MEGF11: variants seen among roughly 807,000 people sequenced by gnomAD.
MEGF11 encodes the protein multiple epidermal growth factor-like domains protein 11.
In MEGF11, 126 loss-of-function variants were observed where a neutral mutation model predicts 146.6. That is an observed-to-expected ratio of 0.86 (90% CI 0.74 to 1.00). MEGF11 has a LOEUF of 1.00. Among genes scored for constraint, MEGF11 ranks in the 50% least tolerant of loss-of-function variants. The probability of loss-of-function intolerance (pLI) is 0.00; values close to 1 mark genes in which losing one functional copy is unlikely to be tolerated. For synonymous variants in MEGF11, 532 were observed against 583.4 expected, an observed-to-expected ratio of 0.91 and a Z score of 1.27; for missense variants, 1,509 against 1,521.2, an observed-to-expected ratio of 0.99 and a Z score of 0.13.
At chr15:66,173,509 G>A (rs1487129533) in intron 1 of MEGF11, among the ~76,000 whole-genome samples, 1 of 152,070 alleles carries the variant, frequency 6.6e-6, no homozygotes, top group East Asian at 1.9e-4. Flanking sequence ...TAGAGATGGG[G>A]TTTCACCATG....
chr15:65,903,839 A>G (rs995349762), intron 24 of MEGF11, among the ~76,000 whole-genome samples: 1 of 152,200 alleles, frequency 6.6e-6, no homozygotes. Flanking sequence ...GAACTGTGAC[A>G]TCATATTTTC....
Position 66,152,131 on chromosome 15 carries a change from C to T in MEGF11, c.-8-23720G>A, listed in dbSNP as rs1374556860. On this transcript the variant is annotated intron_variant, in intron 1 of 25. Coordinates refer to ENST00000395614, the MANE Select transcript of MEGF11 (RefSeq NM_001385028.1). Reference sequence around the variant, plus strand: ...CCACCTGCTCTTCCAGCTCTCAGCCCCTCATGGGCACTGCCAGCTTCTCCA... The same window carrying T: ...CCACCTGCTCTTCCAGCTCTCAGCCTCTCATGGGCACTGCCAGCTTCTCCA... 3.3e-5 allele frequency among the ~76,000 whole-genome samples: 5 copies of T among 152,174 alleles called. No homozygotes were observed. The East Asian group carries it at 9.6e-4, about 29-fold the overall frequency.
In MEGF11 at chr15:66,252,470, C is replaced by A. The variant is rs940802077; in HGVS notation, c.-9+1135G>T. ...TGAAATATTTTTCCGGAGAACATGA[C>A]CACTCGGGAGACAGTCACACTGGCC... On this transcript the variant is annotated intron_variant, in intron 1 of 25. Coordinates refer to ENST00000395614, the MANE Select transcript of MEGF11 (RefSeq NM_001385028.1). Among the ~76,000 whole-genome samples the A allele has an allele frequency of 2.6e-5, 4 of 152,272 alleles. No homozygotes were observed. In the East Asian group the frequency reaches 7.8e-4, roughly 30 times the overall value.
chr15:65,918,101 G>T lies in MEGF11; in HGVS notation c.1958-7C>A, dbSNP rs1387419323. 5 of 1,613,498 alleles carry T rather than the reference G, an allele frequency of 3.1e-6. No individual in the cohort carries two copies. The East Asian group carries it at 1.1e-4, about 36-fold the overall frequency. On this transcript the variant is annotated splice_region_variant and splice_polypyrimidine_tract_variant and intron_variant, in intron 15 of 25. Coordinates refer to ENST00000395614, the MANE Select transcript of MEGF11 (RefSeq NM_001385028.1). ...AAGTATCCTCCAGCACACACTGTGG[G>T]CACAGGGCAGCCTGGCACCCATCCT...
At chr15:66,206,772 G>A (rs568924357) in intron 1 of MEGF11, among the ~76,000 whole-genome samples, 171 of 152,218 alleles carry the variant, frequency 1.1e-3, no homozygotes, top group African/African-American at 4.0e-3. Flanking sequence ...GCATGGTAGC[G>A]CACGCCTGTA....
At chr15:66,000,344 C>T (rs1449847573) in intron 5 of MEGF11, among the ~76,000 whole-genome samples, 1 of 152,156 alleles carries the variant, frequency 6.6e-6, no homozygotes, top group African/African-American at 2.4e-5. Flanking sequence ...GCTTGGGCAA[C>T]ATAGTGAGAC....
chr15:66,160,671 AC>A (rs2089919445), intron 1 of MEGF11, among the ~76,000 whole-genome samples: 1 of 147,146 alleles, frequency 6.8e-6, no homozygotes, highest in African/African-American at 2.6e-5. Flanking sequence ...GGGGACACAC[AC>A]ACACACACAC....
chr15:65,999,679 A>G (rs1171382115), intron 5 of MEGF11, among the ~76,000 whole-genome samples: 1 of 152,194 alleles, frequency 6.6e-6, no homozygotes, highest in Non-Finnish European at 1.5e-5. Flanking sequence ...TGCCATCAGG[A>G]TATGATACAA....
At chr15:66,054,674 G>C (rs997131018) in intron 5 of MEGF11, among the ~76,000 whole-genome samples, 7 of 152,202 alleles carry the variant, frequency 4.6e-5, no homozygotes, top group African/African-American at 7.2e-5. Context: ...CACAAGAAAG[G>C]CCAGATAATG....
chr15:66,252,504 C>A (rs1457878668), intron 1 of MEGF11, among the ~76,000 whole-genome samples: 1 of 152,134 alleles, frequency 6.6e-6, no homozygotes, highest in African/African-American at 2.4e-5. Context: ...CCTCGCAGCG[C>A]GGGCTGCGGG....
chr15:66,178,719 C>A (rs951581613), intron 1 of MEGF11, among the ~76,000 whole-genome samples: 1 of 152,120 alleles, frequency 6.6e-6, no homozygotes, highest in Non-Finnish European at 1.5e-5. Flanking sequence ...TTGCCTCACC[C>A]GGGTCCTGGG....
At position 66,141,447 on chromosome 15, in the gene MEGF11, C is replaced by T. The variant is rs1288404028; in HGVS notation, c.-8-13036G>A. ...AACTCAGAAGACAAGCTTGGGCTGGCTGTGTGACCTTGGGTAGGAGGCTGC... is the reference window on the plus strand; with the variant it reads ...AACTCAGAAGACAAGCTTGGGCTGGTTGTGTGACCTTGGGTAGGAGGCTGC... On this transcript the variant is annotated intron_variant, in intron 1 of 25. Coordinates refer to ENST00000395614, the MANE Select transcript of MEGF11 (RefSeq NM_001385028.1). Among the ~76,000 whole-genome samples, 3 of 152,082 alleles carry T rather than the reference C, an allele frequency of 2.0e-5. No individual in the cohort carries two copies. In the East Asian group the frequency reaches 5.8e-4, roughly 29 times the overall value.
At chr15:66,249,087 G>T (rs187159563) in intron 1 of MEGF11, among the ~76,000 whole-genome samples, 35 of 152,302 alleles carry the variant, frequency 2.3e-4, no homozygotes, top group African/African-American at 7.7e-4. Context: ...TTCCTGCTGA[G>T]ATACAGCTTC....
chr15:65,975,500 C>G (rs760237086), intron 7 of MEGF11, among the ~76,000 whole-genome samples: 3 of 152,200 alleles, frequency 2.0e-5, no homozygotes, highest in Non-Finnish European at 4.4e-5. Context: ...CGCCGAATCT[C>G]TAGTCCTCTT....
At chr15:66,120,449 C>G (rs1418228129) in intron 3 of MEGF11, among the ~76,000 whole-genome samples, 1 of 152,190 alleles carries the variant, frequency 6.6e-6, no homozygotes. Context: ...GCCCTGTGGA[C>G]TCTTCCTCAG....
intron 5 of MEGF11, among the ~76,000 whole-genome samples, chr15:66,056,316 C>A (rs1320249397): frequency 6.6e-6 from 1 of 152,124 alleles, no homozygotes; most frequent in Non-Finnish European, 1.5e-5. Context: ...AGGACTTAAC[C>A]TTCTGAGCCT....
intron 10 of MEGF11, among the ~76,000 whole-genome samples, chr15:65,947,291 G>A (rs1020280308): frequency 2.0e-5 from 3 of 152,138 alleles, no homozygotes; most frequent in Non-Finnish European, 4.4e-5. Flanking sequence ...TGGGGAGCTG[G>A]GGCACTGAAG....
chr15:65,969,581 G>A (rs1430913738), intron 8 of MEGF11, among the ~76,000 whole-genome samples: 3 of 152,214 alleles, frequency 2.0e-5, no homozygotes, highest in South Asian at 4.1e-4. Context: ...ACATCACTAA[G>A]GATTTGGGGC....
In MEGF11 at chr15:65,897,077, A is replaced by G. The variant is rs2078372224; in HGVS notation, c.*857T>C. 1.3e-5 allele frequency: 2 copies of G among 152,212 alleles called. No homozygotes were observed. The highest frequency in any genetic ancestry group is 1.3e-4 in the Admixed American group (2 of 15,284). The allele number at this position is 152,212 out of a possible 1,614,324, so 9.4% of individuals were successfully genotyped here. ...TCTTTTACTTAATCCCGACCAGTCT[A>G]TGACTGCTTGCTTAAAGGATCATCT... On this transcript the variant is annotated 3_prime_UTR_variant, in exon 26 of 26. Transcript: ENST00000395614.
Sources: gnomAD v4.1 joint callset for allele counts (sites outside exome capture counted in the v4.1 genomes callset) on GRCh38, gnomAD v4.1.1 for gene constraint, MANE v1.5 for transcripts, NCBI Gene and HGNC (gene_info 2026-07-23, HGNC 2026-07-21) for gene names.